Variants in CCDC62 observed in about 807,000 individuals in gnomAD.
CCDC62 encodes coiled-coil domain-containing protein 62.
In CCDC62, 72 loss-of-function variants were observed where a neutral mutation model predicts 80.8. The observed-to-expected ratio is 0.89, with a 90% CI of 0.74 to 1.08. The LOEUF is 1.08. Among genes scored for constraint, CCDC62 ranks in the 50% least tolerant of loss-of-function variants. The pLI is 0.00. For synonymous variants in CCDC62, 286 were observed against 296.5 expected (o/e 0.96, Z 0.36); for missense variants, 704 against 809.4 (o/e 0.87, Z 1.58).
At chr12:122,792,257 G>A in intron 6 of CCDC62, 136 bp downstream of exon 6, 1 of 577,970 alleles carries the variant, frequency 1.7e-6, no homozygotes, top group South Asian at 2.0e-5. Context: ...GTCTTGCTCT[G>A]TCACCCAGGC....
Position 122,797,352 on chromosome 12 carries a change from C to G in CCDC62, c.818C>G (p.Ser273Ter). The stretch of plus-strand genomic sequence containing the variant: ...GATGAATTGCTTAATATTGCGAAGT[C>G]AAAGCAAGAACGCACAAATTCAGAA... ...RKDELLNIAK[S>*]KQERTNSELH... The change falls in exon 7 of 13, where the codon TCA becomes TGA. Residue 273 changes from serine (S) to a stop codon, truncating the protein, a stop_gained. Transcript: ENST00000253079. LOFTEE classifies it high-confidence loss of function. The G allele has an allele frequency of 6.2e-7, 1 of 1,601,076 alleles. No individual in the cohort carries two copies. The highest frequency in any genetic ancestry group is 2.2e-5 in the East Asian group (1 of 44,754).
chr12:122,795,625 C>T (rs551074913), intron 6 of CCDC62, among the ~76,000 whole-genome samples: 78 of 152,098 alleles, frequency 5.1e-4, no homozygotes, highest in East Asian at 1.7e-3. Context: ...GGGGTTTCAC[C>T]GTGTTAGCCA....
chr12:122,802,276 T>G (rs1424790854), intron 9 of CCDC62, among the ~76,000 whole-genome samples: 2 of 152,060 alleles, frequency 1.3e-5, no homozygotes, highest in Non-Finnish European at 2.9e-5. Flanking sequence ...AGACCCCATA[T>G]AAAAATGTCT....
At chr12:122,786,394 C>T (rs575592819) in intron 4 of CCDC62, among the ~76,000 whole-genome samples, 2 of 151,674 alleles carry the variant, frequency 1.3e-5, no homozygotes, top group South Asian at 2.1e-4. Flanking sequence ...GTGATCCGCC[C>T]GCCTCGGCCT....
chr12:122,806,199 T>C lies in CCDC62; in HGVS notation c.1755T>C (p.Ser585=). The C allele has an allele frequency of 6.2e-7, 1 of 1,613,972 alleles. No individual in the cohort carries two copies. The highest frequency in any genetic ancestry group is 2.2e-5 in the East Asian group (1 of 44,874). The part of the protein sequence containing the change: ...QDSHSLGSSK[S]ALREDETESS... Reference sequence around the variant, plus strand: ...CCCACTCTTTGGGTTCTTCAAAATCTGCCTTGAGAGAAGATGAGACGGAGT... The same window carrying C: ...CCCACTCTTTGGGTTCTTCAAAATCCGCCTTGAGAGAAGATGAGACGGAGT... The change falls in exon 10 of 13, where the codon TCT becomes TCC. Residue 585 remains serine, a synonymous_variant. Coordinates refer to ENST00000253079, the MANE Select transcript of CCDC62 (RefSeq NM_201435.5).
chr12:122,821,664 C>T (rs2032408253), intron 11 of CCDC62, among the ~76,000 whole-genome samples: 1 of 152,010 alleles, frequency 6.6e-6, no homozygotes, highest in South Asian at 2.1e-4. Context: ...CTAGGCTGGT[C>T]TCAAACTCCT....
intron 1 of CCDC62, among the ~76,000 whole-genome samples, chr12:122,775,397 T>C (rs1879376451): frequency 6.6e-6 from 1 of 152,180 alleles, no homozygotes; most frequent in Non-Finnish European, 1.5e-5. Context: ...ACGACCTGCC[T>C]TTGTGTACTC....
chr12:122,786,167 A>T (rs2030210426), intron 4 of CCDC62, among the ~76,000 whole-genome samples: 1 of 151,932 alleles, frequency 6.6e-6, no homozygotes, highest in African/African-American at 2.4e-5. Flanking sequence ...TTTTGTTTTG[A>T]GACGGAGTCT....
intron 1 of CCDC62, among the ~76,000 whole-genome samples, chr12:122,776,149 T>C (rs1879439499): frequency 2.0e-5 from 3 of 152,236 alleles, no homozygotes; most frequent in Admixed American, 1.3e-4. Context: ...CTCAGTACTT[T>C]ACAGAGTTTG....
chr12:122,800,146 C>T (rs751196787), intron 8 of CCDC62, among the ~76,000 whole-genome samples: 182 of 149,456 alleles, frequency 1.2e-3, no homozygotes, highest in Middle Eastern at 3.5e-3. Context: ...CACAGGCATG[C>T]GCCACCATGC....
At position 122,813,132 on chromosome 12, in the gene CCDC62, A is replaced by C. The variant is rs1383500653; in HGVS notation, c.1852-138A>C. 4.8e-6 allele frequency: 4 copies of C among 840,780 alleles called. No homozygotes were observed. In the African/African-American group the frequency reaches 6.9e-5, roughly 14 times the overall value. 52.1% of individuals were successfully genotyped at this position (840,780 alleles called of 1,614,324 possible). The stretch of plus-strand genomic sequence containing the variant: ...TCACTCGAGCCCAGGAGCTTGAGGC[A>C]ATCAGCTGTGATTGTGCCACTGCAC... On this transcript the variant is annotated intron_variant, in intron 10 of 12. Coordinates refer to ENST00000253079, the MANE Select transcript of CCDC62 (RefSeq NM_201435.5).
At position 122,788,790 on chromosome 12, in the gene CCDC62, T is replaced by C. The variant is rs2030421496; in HGVS notation, c.531T>C (p.Ile177=). 6.3e-7 allele frequency: 1 copy of C among 1,593,084 alleles called. No homozygotes were observed. Among genetic ancestry groups the C allele is most frequent in the East Asian group, 2.2e-5 (1 of 44,484 alleles). ...DKDIIEAVNH[I]ADCSGKFKML... is the part of the protein sequence containing the mutation. Reference sequence around the variant, plus strand: ...ATATTATTGAGGCAGTTAATCACATTGCAGATTGTTCGGGTAAATTTAAAA... The same window carrying C: ...ATATTATTGAGGCAGTTAATCACATCGCAGATTGTTCGGGTAAATTTAAAA... Residue 177 remains isoleucine, a synonymous_variant, in exon 5 of 13, where the codon ATT becomes ATC. Transcript: ENST00000253079.
chr12:122,822,060 AACACACAC>A (rs58108370), intron 11 of CCDC62, among the ~76,000 whole-genome samples: 2 of 115,764 alleles, frequency 1.7e-5, no homozygotes, highest in Non-Finnish European at 1.7e-5. Flanking sequence ...TATAAATTTA[AACACACAC>A]ACACACACAC....
chr12:122,825,608 G>A (rs543533363), intron 12 of CCDC62, among the ~76,000 whole-genome samples: 5 of 145,440 alleles, frequency 3.4e-5, no homozygotes, highest in Admixed American at 1.4e-4. Flanking sequence ...CGCCCGCCTC[G>A]GCCTCCCAAA....
intron 12 of CCDC62, among the ~76,000 whole-genome samples, 170 bp downstream of exon 12, chr12:122,823,629 A>G (rs1009555588): frequency 1.3e-5 from 2 of 151,858 alleles, no homozygotes; most frequent in Non-Finnish European, 1.5e-5. Flanking sequence ...TAAAATGTCA[A>G]TTACTTGCAA....
In CCDC62 at chr12:122,826,565, C is replaced by G. The variant is rs1428238126; in HGVS notation, c.*184C>G. 4.5e-6 allele frequency: 3 copies of G among 664,190 alleles called. No individual in the cohort carries two copies. In the African/African-American group the frequency reaches 5.5e-5, roughly 12 times the overall value. 41.1% of individuals were successfully genotyped at this position (664,190 alleles called of 1,614,324 possible). On this transcript the variant is annotated 3_prime_UTR_variant, in exon 13 of 13. Transcript: ENST00000253079. ...AACTAGAAAGTTAATTTTTAAACAT[C>G]TACACTTCATTTTCAAGTTAACCAT...
intron 12 of CCDC62, among the ~76,000 whole-genome samples, chr12:122,824,186 C>T (rs1011535339): frequency 6.6e-6 from 1 of 151,970 alleles, no homozygotes; most frequent in East Asian, 1.9e-4. Flanking sequence ...GAGGCCAAGG[C>T]GGGTGGATCA....
chr12:122,800,780 G>C lies in CCDC62; in HGVS notation c.978-344G>C, dbSNP rs1217819279. Among the ~76,000 whole-genome samples the C allele has an allele frequency of 5.9e-5, 8 of 135,622 alleles. No homozygotes were observed. The South Asian group carries it at 1.6e-3, about 28-fold the overall frequency. 89.0% of individuals were successfully genotyped at this position (135,622 alleles called of 152,430 possible). On this transcript the variant is annotated intron_variant, in intron 8 of 12. Transcript: ENST00000253079. ...TAGTTTATAGCATTATGGAAAGAGAGAGTTGTATTTCCTAAGATATCAGAA... is the reference window on the plus strand; with the variant it reads ...TAGTTTATAGCATTATGGAAAGAGACAGTTGTATTTCCTAAGATATCAGAA...
chr12:122,785,926 A>G, intron 4 of CCDC62, 106 bp downstream of exon 4: 1 of 742,016 alleles, frequency 1.3e-6, no homozygotes, highest in Admixed American at 2.4e-5. Context: ...GAAGCTACCA[A>G]CGTTGCTCTT....
Sources: gnomAD v4.1 joint callset for allele counts (sites outside exome capture counted in the v4.1 genomes callset) on GRCh38, gnomAD v4.1.1 for gene constraint, MANE v1.5 for transcripts, NCBI Gene and HGNC (gene_info 2026-07-23, HGNC 2026-07-21) for gene names.